Variants in FABP4 observed in about 807,000 individuals in gnomAD.
FABP4 encodes fatty acid binding protein 4, also known as fatty acid-binding protein, adipocyte.
FABP4 carries 17 observed loss-of-function variants against 14.6 expected under a neutral mutation model. The observed-to-expected ratio is 1.16, with a 90% CI of 0.80 to 1.74. The LOEUF is 1.74. Ranked by LOEUF, FABP4 falls within the 40% of genes most tolerant of loss-of-function variation. The pLI, the probability that FABP4 is intolerant of heterozygous loss-of-function variation, is 0.00. For missense variants in FABP4, 149 were observed against 160.3 expected (o/e 0.93, Z 0.38); for synonymous variants, 54 against 54.6 (o/e 0.99, Z 0.05).
In FABP4 at chr8:81,483,082, C is replaced by A. The variant is rs979113075; in HGVS notation, c.73+13G>T. On this transcript the variant is annotated intron_variant, in intron 1 of 3. Coordinates refer to ENST00000256104, the MANE Select transcript of FABP4 (RefSeq NM_001442.3). ...TATTATAAATCCAGTCATTCCACAACGCATTTCCTTACCTACTTCTTTCAT... is the reference window on the plus strand; with the variant it reads ...TATTATAAATCCAGTCATTCCACAAAGCATTTCCTTACCTACTTCTTTCAT... The A allele has an allele frequency of 6.3e-7, 1 of 1,594,352 alleles. No individual in the cohort carries two copies. Among genetic ancestry groups the A allele is most frequent in the Non-Finnish European group, 8.6e-7 (1 of 1,165,934 alleles).
At position 81,480,413 on chromosome 8, in the gene FABP4, C is replaced by T. The variant is rs1288104940; in HGVS notation, c.246+13G>A. On this transcript the variant is annotated intron_variant, in intron 2 of 3. Coordinates refer to ENST00000256104, the MANE Select transcript of FABP4 (RefSeq NM_001442.3). ...ACCAGGCATGTACTCTGTGCCACTT[C>T]CTTATTTCTCACCTTGACTTTCCTG... 1.9e-6 allele frequency: 3 copies of T among 1,612,406 alleles called. No homozygotes were observed. The South Asian group carries it at 3.3e-5, about 18-fold the overall frequency.
At chr8:81,479,674 A>C in intron 2 of FABP4, 159 bp from the exon 3 acceptor site, 1 of 544,210 alleles carries the variant, frequency 1.8e-6, no homozygotes, top group African/African-American at 1.9e-5. Context: ...AAAAACAACA[A>C]CATAACCACT....
intron 2 of FABP4, among the ~76,000 whole-genome samples, chr8:81,480,223 C>G (rs1259402827): frequency 3.9e-5 from 6 of 152,032 alleles, no homozygotes; most frequent in Non-Finnish European, 5.9e-5. Flanking sequence ...AATAATAATA[C>G]TTTTTTAACA....
At chr8:81,479,609 C>A in intron 2 of FABP4, 94 bp from the exon 3 acceptor site, 6 of 786,390 alleles carry the variant, frequency 7.6e-6, no homozygotes, top group South Asian at 3.7e-5. Flanking sequence ...ATTTTGAGGT[C>A]ATTAGTAATT....
chr8:81,478,881 ACT>A lies in FABP4; in HGVS notation c.381_382del (p.Arg127SerfsTer3). ...TCCCTTGGCTTATGCTCTCTCATAA[ACT>A]CTCGTGGAAGTGACGCCTTTCATGA... On this transcript the variant is annotated frameshift_variant, in exon 4 of 4. Coordinates refer to ENST00000256104, the MANE Select transcript of FABP4 (RefSeq NM_001442.3). LOFTEE classifies it high-confidence loss of function. 6.2e-7 allele frequency: 1 copy of A among 1,613,016 alleles called. No individual in the cohort carries two copies. The highest frequency in any genetic ancestry group is 8.5e-7 in the Non-Finnish European group (1 of 1,179,326).
intron 3 of FABP4, 102 bp downstream of exon 3, chr8:81,479,311 TG>T: frequency 2.2e-6 from 2 of 928,240 alleles, no homozygotes; most frequent in South Asian, 1.7e-5. Flanking sequence ...ATCCTCTTTT[TG>T]TTTCAGATAA....
intron 1 of FABP4, 138 bp downstream of exon 1, chr8:81,482,957 G>A: frequency 1.8e-6 from 1 of 540,834 alleles, no homozygotes; most frequent in Non-Finnish European, 3.1e-6. Flanking sequence ...CACTTGCTAT[G>A]TGTGCAGCCT....
At chr8:81,479,074 A>T (rs572664508) in intron 3 of FABP4, among the ~76,000 whole-genome samples, 159 bp from the exon 4 acceptor site, 14 of 152,322 alleles carry the variant, frequency 9.2e-5, no homozygotes, top group Middle Eastern at 3.4e-3. Flanking sequence ...ATAGGGAGAT[A>T]TAAAGACCAG....
chr8:81,479,046 C>T (rs1306625756), intron 3 of FABP4, 131 bp from the exon 4 acceptor site: 1 of 746,354 alleles, frequency 1.3e-6, no homozygotes, highest in Admixed American at 2.4e-5. Flanking sequence ...ATATATGTAA[C>T]CCATATATTG....
intron 1 of FABP4, among the ~76,000 whole-genome samples, chr8:81,482,762 G>A (rs544363922): frequency 6.6e-6 from 1 of 152,206 alleles, no homozygotes. Context: ...ATGCAAAAGG[G>A]GATGAAAGAG....
chr8:81,479,775 G>A, intron 2 of FABP4: 1 of 290,302 alleles, frequency 3.4e-6, no homozygotes, highest in East Asian at 6.6e-5. Flanking sequence ...ACATTGCGAT[G>A]GTAGTAGTAT....
chr8:81,483,227 G>C lies in FABP4; in HGVS notation c.-60C>G. ...GAAGGAAGCTGCAGTTTTCAGGAGG[G>C]TGCTGTGACCCTCTTGAGTCCAGAT... On this transcript the variant is annotated 5_prime_UTR_variant, in exon 1 of 4. Coordinates refer to ENST00000256104, the MANE Select transcript of FABP4 (RefSeq NM_001442.3). The C allele has an allele frequency of 6.6e-6, 9 of 1,357,514 alleles. No homozygotes were observed. The highest frequency in any genetic ancestry group is 9.3e-6 in the Non-Finnish European group (9 of 969,338). 84.1% of individuals were successfully genotyped at this position (1,357,514 alleles called of 1,614,324 possible). A position where few individuals can be genotyped will look rare whatever the true frequency, so the allele number is the denominator to read the frequency against.
chr8:81,480,299 T>G, intron 2 of FABP4, 127 bp downstream of exon 2: 1 of 854,290 alleles, frequency 1.2e-6, no homozygotes, highest in Non-Finnish European at 1.8e-6. Flanking sequence ...ACAGTTTAGA[T>G]GTAGGAGTTC....
intron 1 of FABP4, among the ~76,000 whole-genome samples, chr8:81,482,459 T>C (rs896562404): frequency 1.3e-5 from 2 of 152,220 alleles, no homozygotes; most frequent in Non-Finnish European, 2.9e-5. Context: ...AGAAGAGGTA[T>C]GTTATATGCG....
rs8192688 is a variant in FABP4 at position 81,480,614 on chromosome 8, G to A, written c.74-16C>T. 234,344 of 1,593,162 alleles carry A rather than the reference G, an allele frequency of 0.15. 18,761 individuals are homozygous for A. Among genetic ancestry groups the A allele is most frequent in the Middle Eastern group, 0.18 (1,071 of 5,916 alleles). On this transcript the variant is annotated splice_polypyrimidine_tract_variant and intron_variant, in intron 1 of 3. Coordinates refer to ENST00000256104, the MANE Select transcript of FABP4 (RefSeq NM_001442.3). ...AAGCCCACTCCTACAGTTAGGAAAA[G>A]AAAAGATGTCAGATTTACATTTTCT...
At position 81,480,425 on chromosome 8, in the gene FABP4, C is replaced by T. The variant is rs113250386; in HGVS notation, c.246+1G>A. 6.2e-7 allele frequency: 1 copy of T among 1,613,012 alleles called. No homozygotes were observed. The highest frequency in any genetic ancestry group is 8.5e-7 in the Non-Finnish European group (1 of 1,179,326). On this transcript the variant is annotated splice_donor_variant, in intron 2 of 3. Coordinates refer to ENST00000256104, the MANE Select transcript of FABP4 (RefSeq NM_001442.3). LOFTEE classifies it high-confidence loss of function. ...CTCTGTGCCACTTCCTTATTTCTCA[C>T]CTTGACTTTCCTGTCATCTGCAGTG...
intron 2 of FABP4, 130 bp from the exon 3 acceptor site, chr8:81,479,645 A>C: frequency 1.7e-6 from 1 of 593,374 alleles, no homozygotes; most frequent in African/African-American, 1.9e-5. Flanking sequence ...ATATTGCAAC[A>C]AGAAAAAAAA....
At chr8:81,482,198 G>C (rs910988747) in intron 1 of FABP4, among the ~76,000 whole-genome samples, 2 of 152,128 alleles carry the variant, frequency 1.3e-5, no homozygotes, top group Non-Finnish European at 2.9e-5. Context: ...GGAGGGTTAA[G>C]TGTTTTGCGA....
At chr8:81,480,862 C>G (rs1438577620) in intron 1 of FABP4, among the ~76,000 whole-genome samples, 2 of 151,900 alleles carry the variant, frequency 1.3e-5, no homozygotes, top group African/African-American at 4.8e-5. Context: ...TTCCCTTTCT[C>G]TGGTCTGGAT....
Sources: gnomAD v4.1 joint callset for allele counts (sites outside exome capture counted in the v4.1 genomes callset) on GRCh38, gnomAD v4.1.1 for gene constraint, MANE v1.5 for transcripts, NCBI Gene and HGNC (gene_info 2026-07-23, HGNC 2026-07-21) for gene names.